The following SPAG16 variants were observed in gnomAD, a reference collection of about 807,000 sequenced individuals.
The protein encoded by SPAG16 is sperm associated antigen 16, also known as sperm-associated antigen 16 protein.
Under a neutral mutation model 80.4 loss-of-function variants are expected in SPAG16, and 86 were observed. The observed-to-expected ratio is 1.07, with a 90% CI of 0.90 to 1.28. The LOEUF (loss-of-function observed/expected upper bound fraction) is 1.28, where lower values mean the gene tolerates loss of function less well. Among genes scored for constraint, SPAG16 ranks in the 50% most tolerant of loss-of-function variants. SPAG16 has a pLI of 0.00. For synonymous variants in SPAG16, 294 were observed against 265.9 expected (o/e 1.11, Z -1.03); for missense variants, 870 against 765.3 (o/e 1.14, Z -1.61).
At chr2:213,431,597 G>T (rs755061087) in intron 9 of SPAG16, among the ~76,000 whole-genome samples, 28 of 151,946 alleles carry the variant, frequency 1.8e-4, no homozygotes, top group Non-Finnish European at 3.5e-4. Context: ...AGAGGACACA[G>T]ATTCATAAAA....
chr2:213,445,714 T>C (rs1048199447), intron 9 of SPAG16, among the ~76,000 whole-genome samples: 2 of 152,088 alleles, frequency 1.3e-5, no homozygotes, highest in African/African-American at 4.8e-5. Flanking sequence ...ACATCACTAA[T>C]CATCAGATGA....
At chr2:213,994,522 A>G (rs2046425416) in intron 12 of SPAG16, among the ~76,000 whole-genome samples, 2 of 151,982 alleles carry the variant, frequency 1.3e-5, no homozygotes, top group Admixed American at 6.6e-5. Context: ...TATGTGTCTT[A>G]CAGTTCAGTT....
chr2:214,378,248 A>G (rs910622726), intron 15 of SPAG16, among the ~76,000 whole-genome samples: 4 of 152,236 alleles, frequency 2.6e-5, no homozygotes, highest in African/African-American at 7.2e-5. Flanking sequence ...GACAGCAGCA[A>G]TTGGAAACTA....
intron 10 of SPAG16, among the ~76,000 whole-genome samples, chr2:213,541,481 G>A (rs1302936069): frequency 5.3e-5 from 8 of 151,956 alleles, no homozygotes; most frequent in African/African-American, 1.5e-4. Flanking sequence ...TTAGCCTGGC[G>A]TGGTGGCACA....
intron 11 of SPAG16, among the ~76,000 whole-genome samples, chr2:213,869,265 AT>A (rs1461973233): frequency 0.3 from 7,343 of 24,686 alleles, 830 homozygotes; most frequent in African/African-American, 0.37. Flanking sequence ...AAAAAAAAAA[AT>A]ATATATATAT....
At chr2:213,987,316 C>T (rs188259743) in intron 12 of SPAG16, among the ~76,000 whole-genome samples, 7 of 152,096 alleles carry the variant, frequency 4.6e-5, no homozygotes, top group South Asian at 2.1e-4. Flanking sequence ...TCATTAGATC[C>T]GAATTAGGAC....
intron 9 of SPAG16, among the ~76,000 whole-genome samples, chr2:213,401,590 A>G (rs969925706): frequency 4.6e-5 from 7 of 152,210 alleles, no homozygotes; most frequent in Non-Finnish European, 8.8e-5. Context: ...TTTGCCTGGT[A>G]CATCTTTTTT....
chr2:213,465,954 G>T (rs986730743), intron 9 of SPAG16, among the ~76,000 whole-genome samples: 6 of 152,154 alleles, frequency 3.9e-5, no homozygotes, highest in Non-Finnish European at 8.8e-5. Context: ...CAATGGACTG[G>T]GAAAGGCAGA....
chr2:213,761,318 A>C (rs1337921578), intron 10 of SPAG16, among the ~76,000 whole-genome samples: 1 of 152,218 alleles, frequency 6.6e-6, no homozygotes, highest in South Asian at 2.1e-4. Flanking sequence ...AAAGATCTCA[A>C]GTCAACAACC....
At chr2:213,604,759 CTGGTTA>C in intron 10 of SPAG16, among the ~76,000 whole-genome samples, 1 of 151,734 alleles carries the variant, frequency 6.6e-6, no homozygotes, top group African/African-American at 2.4e-5. Context: ...CATGGCTTTT[CTGGTTA>C]TAATTCTTTA....
intron 15 of SPAG16, among the ~76,000 whole-genome samples, chr2:214,168,093 G>C (rs1323508377): frequency 6.7e-6 from 1 of 149,894 alleles, no homozygotes; most frequent in Non-Finnish European, 1.5e-5. Context: ...GAGGTCAAAG[G>C]ATTCTCCCAC....
At chr2:213,885,018 G>A (rs966086098) in intron 11 of SPAG16, among the ~76,000 whole-genome samples, 1 of 152,108 alleles carries the variant, frequency 6.6e-6, no homozygotes, top group Non-Finnish European at 1.5e-5. Context: ...AATCATTGCT[G>A]GGGAGGAACT....
intron 15 of SPAG16, among the ~76,000 whole-genome samples, chr2:214,317,631 A>G (rs1435744974): frequency 6.6e-6 from 1 of 152,264 alleles, no homozygotes; most frequent in African/African-American, 2.4e-5. Context: ...GTGAAAGTCC[A>G]GAGTTAGTTA....
At chr2:213,508,150 A>G (rs1358981429) in intron 10 of SPAG16, among the ~76,000 whole-genome samples, 1 of 152,218 alleles carries the variant, frequency 6.6e-6, no homozygotes, top group African/African-American at 2.4e-5. Flanking sequence ...ATACACATGC[A>G]CACGTATGTT....
At chr2:213,472,526 T>G (rs539569138) in intron 9 of SPAG16, among the ~76,000 whole-genome samples, 41 of 152,314 alleles carry the variant, frequency 2.7e-4, no homozygotes, top group African/African-American at 9.9e-4. Context: ...TCCAGGGATA[T>G]GGTATTGTTT....
intron 1 of SPAG16, among the ~76,000 whole-genome samples, chr2:213,287,140 C>CCTCTCTA: frequency 1.3e-5 from 2 of 152,276 alleles, no homozygotes; most frequent in South Asian, 4.2e-4. Flanking sequence ...GTATATGAAT[C>CCTCTCTA]CTCTCTAGAA....
chr2:214,400,247 A>G (rs1386400463), intron 15 of SPAG16, among the ~76,000 whole-genome samples: 2 of 151,994 alleles, frequency 1.3e-5, no homozygotes, highest in Non-Finnish European at 2.9e-5. Context: ...TAGTTTAGGA[A>G]TTTCTGGAGA....
At chr2:213,500,707 T>C (rs1274932217) in intron 10 of SPAG16, among the ~76,000 whole-genome samples, 1 of 151,944 alleles carries the variant, frequency 6.6e-6, no homozygotes, top group Admixed American at 6.6e-5. Flanking sequence ...GGCCTTAGAG[T>C]GGGGTGGTAG....
chr2:213,731,511 C>A (rs1387188141), intron 10 of SPAG16, among the ~76,000 whole-genome samples: 1 of 149,906 alleles, frequency 6.7e-6, no homozygotes, highest in African/African-American at 2.5e-5. Context: ...GGTACATGTG[C>A]AGGATGTGCA....
Sources: allele counts gnomAD v4.1 joint callset (sites outside exome capture counted in the v4.1 genomes callset), GRCh38; gene constraint gnomAD v4.1.1; transcripts MANE v1.5; gene names NCBI Gene and HGNC (gene_info 2026-07-23, HGNC 2026-07-21).